SORCS3: variants seen among roughly 807,000 people sequenced by gnomAD.
SORCS3 encodes the protein VPS10 domain-containing receptor SorCS3.
In SORCS3, 57 loss-of-function variants were observed where a neutral mutation model predicts 146.3. The ratio of observed to expected loss-of-function variants is 0.39; its 90% CI spans 0.31 to 0.49. SORCS3 has a LOEUF of 0.49. SORCS3 is among the 20% of genes least tolerant of loss of function. The pLI is 0.92. For missense variants in SORCS3, 1,341 were observed against 1,575.5 expected, an observed-to-expected ratio of 0.85 and a Z score of 2.52; for synonymous variants, 653 against 618.5, an observed-to-expected ratio of 1.06 and a Z score of -0.83.
chr10:105,129,233 A>G (rs538588588), intron 7 of SORCS3, among the ~76,000 whole-genome samples: 96 of 152,076 alleles, frequency 6.3e-4, no homozygotes, highest in Non-Finnish European at 1.0e-3. Context: ...TGAAAAACTT[A>G]TACAAGTATT....
chr10:105,242,344 A>G (rs1225880680), intron 20 of SORCS3, among the ~76,000 whole-genome samples: 1 of 127,278 alleles, frequency 7.9e-6, no homozygotes, highest in Non-Finnish European at 1.6e-5. Context: ...TTATATATAT[A>G]TTTATACATA....
intron 4 of SORCS3, among the ~76,000 whole-genome samples, chr10:105,037,645 T>G (rs755443722): frequency 3.3e-5 from 5 of 152,174 alleles, no homozygotes; most frequent in Non-Finnish European, 7.3e-5. Flanking sequence ...CCTACATTTC[T>G]CCTTATGAGA....
intron 12 of SORCS3, among the ~76,000 whole-genome samples, chr10:105,165,060 A>G (rs7096099): frequency 0.029 from 4,447 of 152,136 alleles, 225 homozygotes; most frequent in African/African-American, 0.1. Flanking sequence ...TTTTAATTTT[A>G]TTTATTTTAA....
intron 7 of SORCS3, among the ~76,000 whole-genome samples, chr10:105,119,931 G>A (rs1463567181): frequency 6.6e-6 from 1 of 152,148 alleles, no homozygotes; most frequent in Non-Finnish European, 1.5e-5. Context: ...AAACTTTGGG[G>A]AACTTTTGGA....
At chr10:104,799,416 C>A (rs2017597790) in intron 1 of SORCS3, among the ~76,000 whole-genome samples, 1 of 152,142 alleles carries the variant, frequency 6.6e-6, no homozygotes, top group African/African-American at 2.4e-5. Flanking sequence ...AAGCTGGAAA[C>A]CATCAGTCTC....
Position 104,842,705 on chromosome 10 carries a change from T to C in SORCS3, c.628-87T>C, listed in dbSNP as rs2018155515. 7 of 990,300 alleles carry C rather than the reference T, an allele frequency of 7.1e-6. No individual in the cohort carries two copies. The South Asian group carries it at 9.4e-5, about 13-fold the overall frequency. The allele number at this position is 990,300 out of a possible 1,614,324, so 61.3% of individuals were successfully genotyped here. ...CCTCCTCTGGGTGATAGGAGATGCA[T>C]TATATATTGTTACACAAACTAAAGT... On this transcript the variant is annotated intron_variant, in intron 1 of 26. Transcript: ENST00000369701.
intron 3 of SORCS3, among the ~76,000 whole-genome samples, chr10:104,953,285 A>G (rs1004292701): frequency 1.3e-5 from 2 of 151,974 alleles, no homozygotes; most frequent in Non-Finnish European, 2.9e-5. Flanking sequence ...AGTCTTCCAC[A>G]CTCTCTGTGG....
chr10:104,998,005 G>A (rs2055037726), intron 4 of SORCS3, among the ~76,000 whole-genome samples: 1 of 152,170 alleles, frequency 6.6e-6, no homozygotes, highest in Non-Finnish European at 1.5e-5. Flanking sequence ...GCAGAATGCT[G>A]AATGTTGGAG....
intron 12 of SORCS3, among the ~76,000 whole-genome samples, chr10:105,165,009 G>A (rs915909417): frequency 2.0e-5 from 3 of 152,074 alleles, no homozygotes; most frequent in African/African-American, 4.8e-5. Flanking sequence ...ATGCAGCTAT[G>A]GAGCACTTGA....
chr10:105,076,657 A>C (rs2133730569), intron 5 of SORCS3, among the ~76,000 whole-genome samples: 1 of 151,964 alleles, frequency 6.6e-6, no homozygotes, highest in East Asian at 1.9e-4. Context: ...TTTTATACCC[A>C]CTTTTGAAGC....
chr10:104,962,508 G>A (rs368665631), intron 3 of SORCS3, among the ~76,000 whole-genome samples: 99 of 152,254 alleles, frequency 6.5e-4, no homozygotes, highest in African/African-American at 2.4e-3. Context: ...GGGGAGGTCA[G>A]TAACACCACT....
chr10:104,825,680 A>G (rs2017926813), intron 1 of SORCS3, among the ~76,000 whole-genome samples: 1 of 152,100 alleles, frequency 6.6e-6, no homozygotes, highest in South Asian at 2.1e-4. Flanking sequence ...GTCTGGTGAG[A>G]TGTTATTATG....
intron 1 of SORCS3, among the ~76,000 whole-genome samples, chr10:104,694,622 G>A (rs2016152144): frequency 6.6e-6 from 1 of 152,074 alleles, no homozygotes; most frequent in Non-Finnish European, 1.5e-5. Context: ...GAAAAGGCCT[G>A]GCCATCTTGT....
chr10:105,248,703 G>C (rs1042516026), intron 22 of SORCS3, among the ~76,000 whole-genome samples: 18 of 117,212 alleles, frequency 1.5e-4, no homozygotes, highest in African/African-American at 5.7e-4. Context: ...GACAGAGTGA[G>C]ACTCCATCTC....
chr10:105,008,635 A>AG (rs1351267248), intron 4 of SORCS3, among the ~76,000 whole-genome samples: 19 of 152,074 alleles, frequency 1.2e-4, no homozygotes, highest in Non-Finnish European at 2.2e-4. Flanking sequence ...GATCAAGCTG[A>AG]GGTTTTTTGT....
chr10:105,058,062 C>A (rs189429807), intron 5 of SORCS3, among the ~76,000 whole-genome samples: 2 of 152,308 alleles, frequency 1.3e-5, no homozygotes. Context: ...ACCTTTTCCC[C>A]TAACAGTGTG....
At chr10:104,947,512 G>C (rs1177389883) in intron 3 of SORCS3, among the ~76,000 whole-genome samples, 1 of 152,194 alleles carries the variant, frequency 6.6e-6, no homozygotes, top group Non-Finnish European at 1.5e-5. Flanking sequence ...CGGGCTGCGA[G>C]GCTGACCGGT....
chr10:105,154,685 T>C (rs1189204928), intron 9 of SORCS3, among the ~76,000 whole-genome samples: 1 of 152,248 alleles, frequency 6.6e-6, no homozygotes, highest in Non-Finnish European at 1.5e-5. Context: ...CATTCTCCAA[T>C]TCCTTTACAT....
intron 1 of SORCS3, among the ~76,000 whole-genome samples, chr10:104,660,001 T>A (rs1377680025): frequency 6.6e-6 from 1 of 152,190 alleles, no homozygotes; most frequent in Non-Finnish European, 1.5e-5. Context: ...GGGACACTCC[T>A]GCACTGGCCA....
Sources: allele counts gnomAD v4.1 joint callset (sites outside exome capture counted in the v4.1 genomes callset), GRCh38; gene constraint gnomAD v4.1.1; transcripts MANE v1.5; gene names NCBI Gene and HGNC (gene_info 2026-07-23, HGNC 2026-07-21).